The following BNC2 variants were observed in gnomAD, a reference collection of about 807,000 sequenced individuals.
BNC2 encodes the protein zinc finger protein basonuclin-2.
BNC2 carries 20 observed loss-of-function variants against 76.3 expected under a neutral mutation model. The ratio of observed to expected loss-of-function variants is 0.26; its 90% CI spans 0.18 to 0.38. The LOEUF (loss-of-function observed/expected upper bound fraction) is 0.38. BNC2 is among the 10% of genes least tolerant of loss of function. BNC2 has a pLI of 1.00. For synonymous variants in BNC2, 582 were observed against 514.8 expected (o/e 1.13, Z -1.77); for missense variants, 1,382 against 1,399.8 (o/e 0.99, Z 0.20).
chr9:16,459,893 T>C (rs1336546522), intron 5 of BNC2, among the ~76,000 whole-genome samples: 2 of 152,190 alleles, frequency 1.3e-5, no homozygotes, highest in Admixed American at 6.5e-5. Context: ...AGCTGCCAGC[T>C]ACATTATCCC....
intron 5 of BNC2, among the ~76,000 whole-genome samples, chr9:16,540,824 C>T (rs1275634351): frequency 6.6e-6 from 1 of 152,148 alleles, no homozygotes; most frequent in Non-Finnish European, 1.5e-5. Flanking sequence ...CAGACACTAG[C>T]ACCTCATTGA....
intron 3 of BNC2, among the ~76,000 whole-genome samples, chr9:16,613,646 A>G (rs536783559): frequency 1.3e-5 from 2 of 152,338 alleles, no homozygotes; most frequent in East Asian, 1.9e-4. Context: ...GACAACAGGT[A>G]AATGTAAGGA....
intron 3 of BNC2, among the ~76,000 whole-genome samples, chr9:16,605,681 A>G (rs144255961): frequency 6.6e-6 from 1 of 152,300 alleles, no homozygotes; most frequent in Non-Finnish European, 1.5e-5. Flanking sequence ...GAAGTTTATT[A>G]CAGCACAACA....
chr9:16,748,922 C>CTA (rs34314862), intron 1 of BNC2, among the ~76,000 whole-genome samples: 1,406 of 130,498 alleles, frequency 0.011, 22 homozygotes, highest in Middle Eastern at 0.023. Flanking sequence ...ACTTTTTATA[C>CTA]TATATATATA....
intron 3 of BNC2, among the ~76,000 whole-genome samples, chr9:16,614,428 A>G (rs1210322794): frequency 4.0e-5 from 6 of 150,112 alleles, no homozygotes; most frequent in Admixed American, 6.8e-5. Context: ...TTTTGTTTTA[A>G]AAGCCAACAA....
chr9:16,598,160 T>C lies in BNC2; in HGVS notation c.331-15075A>G, dbSNP rs188445835. Among the ~76,000 whole-genome samples, 353 of 152,326 alleles carry C rather than the reference T, an allele frequency of 2.3e-3. 1 individual carries two copies. Among genetic ancestry groups the C allele is most frequent in the African/African-American group, 7.9e-3 (330 of 41,584 alleles). On this transcript the variant is annotated intron_variant, in intron 3 of 6. Transcript: ENST00000380672. ...CTGTCAAATTTTTGGTTCCATAACA[T>C]CTTTCTAAGAAATTGAAATCTGCTA...
intron 1 of BNC2, among the ~76,000 whole-genome samples, chr9:16,763,343 G>A (rs561448236): frequency 1.3e-5 from 2 of 152,170 alleles, no homozygotes; most frequent in South Asian, 4.2e-4. Flanking sequence ...GCCAAGACAG[G>A]AGTATCGCCT....
intron 5 of BNC2, among the ~76,000 whole-genome samples, chr9:16,454,867 C>T (rs904613170): frequency 6.6e-6 from 1 of 152,124 alleles, no homozygotes; most frequent in African/African-American, 2.4e-5. Flanking sequence ...ATTCATCTTT[C>T]TGAAAATATT....
intron 3 of BNC2, among the ~76,000 whole-genome samples, chr9:16,681,935 T>G (rs1822833770): frequency 6.6e-6 from 1 of 151,936 alleles, no homozygotes; most frequent in South Asian, 2.1e-4. Flanking sequence ...GGGGGACCGG[T>G]GCGCTGGTGA....
At chr9:16,561,238 C>CAA (rs113187232) in intron 4 of BNC2, among the ~76,000 whole-genome samples, 3,947 of 120,838 alleles carry the variant, frequency 0.033, 118 homozygotes, top group South Asian at 0.21. Context: ...AACTCCGCCT[C>CAA]AAAAAAAAAA....
chr9:16,428,815 G>A (rs76580072), intron 6 of BNC2, among the ~76,000 whole-genome samples: 18,715 of 152,164 alleles, frequency 0.12, 3,294 homozygotes, highest in African/African-American at 0.39. Context: ...CACTTTAGGT[G>A]TAACAGCTTT....
chr9:16,680,827 C>G (rs996842459), intron 3 of BNC2, among the ~76,000 whole-genome samples: 1 of 152,104 alleles, frequency 6.6e-6, no homozygotes, highest in Non-Finnish European at 1.5e-5. Context: ...CACAGGCTAA[C>G]TTCAGATTCC....
intron 1 of BNC2, among the ~76,000 whole-genome samples, chr9:16,847,219 C>T (rs768147254): frequency 6.6e-6 from 1 of 152,092 alleles, no homozygotes; most frequent in Non-Finnish European, 1.5e-5. Context: ...AACACACACG[C>T]AGCTCAAAAC....
chr9:16,551,525 G>A (rs1010991933), intron 5 of BNC2, among the ~76,000 whole-genome samples: 1 of 152,226 alleles, frequency 6.6e-6, no homozygotes, highest in Non-Finnish European at 1.5e-5. Context: ...GGCTGGCACA[G>A]CCAAAACCAA....
intron 1 of BNC2, among the ~76,000 whole-genome samples, chr9:16,753,008 T>C (rs558001968): frequency 6.6e-5 from 10 of 152,160 alleles, no homozygotes; most frequent in African/African-American, 2.4e-4. Context: ...TCCCTCAACA[T>C]CATATGAATA....
chr9:16,603,240 T>C (rs1249208877), intron 3 of BNC2, among the ~76,000 whole-genome samples: 1 of 152,242 alleles, frequency 6.6e-6, no homozygotes, highest in Non-Finnish European at 1.5e-5. Context: ...GCCAAAGGCT[T>C]TAATCCAGCA....
chr9:16,481,252 C>G (rs970286408), intron 5 of BNC2, among the ~76,000 whole-genome samples: 5 of 152,092 alleles, frequency 3.3e-5, no homozygotes, highest in African/African-American at 1.2e-4. Context: ...TACCAATCAG[C>G]AGGATGTGGG....
chr9:16,679,629 C>T (rs186782482), intron 3 of BNC2, among the ~76,000 whole-genome samples: 33 of 152,318 alleles, frequency 2.2e-4, no homozygotes, highest in African/African-American at 5.1e-4. Context: ...TCTTCTTTGA[C>T]GGCTGGTGAC....
chr9:16,660,939 G>T (rs575478070), intron 3 of BNC2, among the ~76,000 whole-genome samples: 2 of 152,064 alleles, frequency 1.3e-5, no homozygotes, highest in Non-Finnish European at 2.9e-5. Context: ...GAACTAAACC[G>T]TCCTCAAATT....
Sources: allele counts gnomAD v4.1 joint callset (sites outside exome capture counted in the v4.1 genomes callset), GRCh38; gene constraint gnomAD v4.1.1; transcripts MANE v1.5; gene names NCBI Gene and HGNC (gene_info 2026-07-23, HGNC 2026-07-21).